Variants in LENG9 observed in about 807,000 individuals in gnomAD.
LENG9 encodes the protein leukocyte receptor cluster member 9.
For synonymous variants in LENG9, 410 were observed against 303.9 expected (o/e 1.35, Z -3.63); for missense variants, 872 against 652.7 (o/e 1.34, Z -3.66).
At position 54,462,865 on chromosome 19, in the gene LENG9, G is replaced by C; in HGVS notation, c.662C>G (p.Thr221Arg). The change falls in exon 1 of 1, where the codon ACA becomes AGA. Residue 221 changes from threonine to arginine, a missense_variant. Coordinates refer to ENST00000611161, the MANE Select transcript of LENG9 (RefSeq NM_001301782.2). ...LEAAQERALGTAADLGTLAPR... is the reference protein window; with the variant it reads ...LEAAQERALGRAADLGTLAPR... ...GGCCAGTGTTCCCAAATCAGCAGCTGTGCCCAGCGCCCTCTCCTGGGCCGC... is the reference window on the plus strand; with the variant it reads ...GGCCAGTGTTCCCAAATCAGCAGCTCTGCCCAGCGCCCTCTCCTGGGCCGC... The C allele has an allele frequency of 6.2e-7, 1 of 1,612,736 alleles. No individual in the cohort carries two copies. Among genetic ancestry groups the C allele is most frequent in the Non-Finnish European group, 8.5e-7 (1 of 1,179,966 alleles).
rs2084589362 is a variant in LENG9 at position 54,461,909 on chromosome 19, C to T, written c.*181G>A. The T allele has an allele frequency of 3.5e-6, 3 of 859,122 alleles. No homozygotes were observed. Among genetic ancestry groups the T allele is most frequent in the Non-Finnish European group, 6.0e-6 (3 of 496,284 alleles). The allele number at this position is 859,122 out of a possible 1,614,324, so 53.2% of individuals were successfully genotyped here. ...TTTCCAGATGTTCCTCCTCTGCCTC[C>T]CCTTCCCCTCCTCTCCCCTCCTTTT... On this transcript the variant is annotated 3_prime_UTR_variant, in exon 1 of 1. Transcript: ENST00000611161.
chr19:54,463,269 C>T lies in LENG9; in HGVS notation c.258G>A (p.Ser86=), dbSNP rs1404975511. Residue 86 remains serine (S), a synonymous_variant, in exon 1 of 1, where the codon TCG becomes TCA. Transcript: ENST00000611161. ...CCAGAAAGCGGTCGACGTAGCCCACCGAGAAGTCGGCGGGGTCGAGGCGCG... is the reference window on the plus strand; with the variant it reads ...CCAGAAAGCGGTCGACGTAGCCCACTGAGAAGTCGGCGGGGTCGAGGCGCG... ...WDPRLDPADF[S]VGYVDRFLGV... 1.9e-6 allele frequency: 3 copies of T among 1,542,642 alleles called. No individual in the cohort carries two copies. Among genetic ancestry groups the T allele is most frequent in the Admixed American group, 1.9e-5 (1 of 51,842 alleles).
Position 54,462,511 on chromosome 19 carries a change from T to C in LENG9, c.1016A>G (p.His339Arg). Residue 339 changes from histidine (H) to arginine (R), a missense_variant, in exon 1 of 1, where the codon CAC (histidine) becomes CGC (arginine). Coordinates refer to ENST00000611161, the MANE Select transcript of LENG9 (RefSeq NM_001301782.2). Reference protein sequence around the residue: ...ANFLVPSQNLHLTLALLRLAG... With the variant: ...ANFLVPSQNLRLTLALLRLAG... ...CAGTCGCAGCAGGGCCAGGGTCAGG[T>C]GTAGGTTCTGAGAGGGCACTAGGAA... The C allele has an allele frequency of 6.2e-7, 1 of 1,613,272 alleles. No homozygotes were observed. Among genetic ancestry groups the C allele is most frequent in the Non-Finnish European group, 8.5e-7 (1 of 1,179,950 alleles).
At position 54,462,127 on chromosome 19, in the gene LENG9, C is replaced by G; in HGVS notation, c.1400G>C (p.Gly467Ala). 6.3e-7 allele frequency: 1 copy of G among 1,581,384 alleles called. No homozygotes were observed. Among genetic ancestry groups the G allele is most frequent in the African/African-American group, 1.3e-5 (1 of 74,162 alleles). Residue 467 changes from glycine to alanine, a missense_variant, in exon 1 of 1, where the codon GGG becomes GCG. By Grantham distance (60) the Gly-to-Ala change is moderately conservative. Transcript: ENST00000611161. ...LWLCRIGRTG[G>A]PFQPLAEIPL... is the part of the protein sequence containing the mutation. The stretch of plus-strand genomic sequence containing the variant: ...GATCTCAGCCAGGGGCTGGAAAGGC[C>G]CCCCTGTCCTCCCTATACGGCACAG...
chr19:54,462,243 G>C lies in LENG9; in HGVS notation c.1284C>G (p.Ala428=), dbSNP rs756425332. ...GGACCTGGGAACCATGGGGCACCTTGGCCACGGTGAGGTGGGGGTGCAGCT... is the reference window on the plus strand; with the variant it reads ...GGACCTGGGAACCATGGGGCACCTTCGCCACGGTGAGGTGGGGGTGCAGCT... ...PGQLHPHLTV[A]KVPHGSQVHL... is the part of the protein sequence containing the mutation. Residue 428 remains alanine (A), a synonymous_variant, in exon 1 of 1, where the codon GCC becomes GCG. Coordinates refer to ENST00000611161, the MANE Select transcript of LENG9 (RefSeq NM_001301782.2). The C allele has an allele frequency of 1.9e-6, 3 of 1,612,920 alleles. No homozygotes were observed. The highest frequency in any genetic ancestry group is 1.3e-5 in the African/African-American group (1 of 75,052).
chr19:54,463,168 A>ACTGCCAGCACGCCCGGCCC lies in LENG9; in HGVS notation c.340_358dup (p.Val120GlyfsTer111), dbSNP rs1490412921. On this transcript the variant is annotated frameshift_variant, in exon 1 of 1. Transcript: ENST00000611161. LOFTEE classifies it low-confidence loss of function (END_TRUNC). ...GAAGAAGCGCACGCGGTGCTGGGGC[A>ACTGCCAGCACGCCCGGCCC]CTGCCAGCACGCCCGGCCCGAGCGC... 5 of 1,584,434 alleles carry ACTGCCAGCACGCCCGGCCC rather than the reference A, an allele frequency of 3.2e-6. No individual in the cohort carries two copies. Among genetic ancestry groups the ACTGCCAGCACGCCCGGCCC allele is most frequent in the Middle Eastern group, 1.7e-4 (1 of 6,054 alleles).
In LENG9 at chr19:54,463,464, C is replaced by T. The variant is rs2084667703; in HGVS notation, c.63G>A (p.Pro21=). Residue 21 remains proline (P), a synonymous_variant, in exon 1 of 1, where the codon CCG becomes CCA. Transcript: ENST00000611161. ...QEAPATEPAP[P]PACRFFLEGR... ...CTTCCAGGAAGAAGCGGCAGGCCGG[C>T]GGGGGCGCGGGTTCCGTGGCGGGGG... is the stretch of plus-strand genomic sequence containing the variant. The T allele has an allele frequency of 1.6e-6, 2 of 1,285,434 alleles. No homozygotes were observed. The highest frequency in any genetic ancestry group is 4.9e-5 in the South Asian group (2 of 40,578). 79.6% of individuals were successfully genotyped at this position (1,285,434 alleles called of 1,614,324 possible).
rs748737121 is a variant in LENG9, at chr19:54,462,658, G to A, written c.869C>T (p.Ala290Val). 1.9e-6 allele frequency: 3 copies of A among 1,612,636 alleles called. No individual in the cohort carries two copies. The highest frequency in any genetic ancestry group is 3.3e-5 in the Admixed American group (2 of 60,018). The change falls in exon 1 of 1, where the codon GCA (alanine) becomes GTA (valine). Residue 290 changes from alanine to valine, a missense_variant. Transcript: ENST00000611161. ...PEDKRARLSV[A>V]APCQPRPTHF... is the part of the protein sequence containing the mutation. ...TGTGGGGCGCGGTTGGCAAGGGGCT[G>A]CAACACTAAGGCGGGCCCTTTTGTC...
chr19:54,463,170 TGCCAGCACGCCCGGCCCGAGCGCC>T lies in LENG9; in HGVS notation c.333_356del (p.Ala112_Ala119del). On this transcript the variant is annotated inframe_deletion, in exon 1 of 1. Transcript: ENST00000611161. ...AGAAGCGCACGCGGTGCTGGGGCAC[TGCCAGCACGCCCGGCCCGAGCGCC>T]GCCAGCGGCTGGTCCCAGCAAAAGG... The T allele has an allele frequency of 6.3e-7, 1 of 1,584,170 alleles. No homozygotes were observed. Among genetic ancestry groups the T allele is most frequent in the South Asian group, 1.1e-5 (1 of 88,816 alleles).
At position 54,462,603 on chromosome 19, in the gene LENG9, A is replaced by G. The variant is rs1056151767; in HGVS notation, c.924T>C (p.Pro308=). ...CCTTGGTCACTTCTGCTTGTAGCCC[A>G]GGCTCGGTCACCATGAGGGCCACAA... ...THFVALMVTE[P]GLQAEVTKAQ... is the part of the protein sequence containing the mutation. Residue 308 remains proline, a synonymous_variant, in exon 1 of 1, where the codon CCT becomes CCC. Transcript: ENST00000611161. 4 of 1,613,762 alleles carry G rather than the reference A, an allele frequency of 2.5e-6. No individual in the cohort carries two copies. The highest frequency in any genetic ancestry group is 3.4e-6 in the Non-Finnish European group (4 of 1,180,014).
At position 54,462,479 on chromosome 19, in the gene LENG9, C is replaced by T. The variant is rs745887459; in HGVS notation, c.1048G>A (p.Ala350Thr). 5.6e-6 allele frequency: 9 copies of T among 1,613,308 alleles called. No individual in the cohort carries two copies. Among genetic ancestry groups the T allele is most frequent in the South Asian group, 2.2e-5 (2 of 91,092 alleles). ...CCAATGGCAGCGGCCTCCTCCCCAG[C>T]GCCTGCCAGTCGCAGCAGGGCCAGG... The part of the protein sequence containing the change: ...LTLALLRLAG[A>T]GEEAAAIGAL... Residue 350 changes from alanine to threonine, a missense_variant, in exon 1 of 1, where the codon GCT becomes ACT. Transcript: ENST00000611161.
chr19:54,463,699 T>C lies in LENG9; in HGVS notation c.-173A>G. ...CGAGGACTCTGGCCCAGTCCCTCCTTGGTGGAGAGCCTGACACCGCTGCTC... is the reference window on the plus strand; with the variant it reads ...CGAGGACTCTGGCCCAGTCCCTCCTCGGTGGAGAGCCTGACACCGCTGCTC... On this transcript the variant is annotated 5_prime_UTR_variant, in exon 1 of 1. Transcript: ENST00000611161. 1 of 866,732 alleles carries C rather than the reference T, an allele frequency of 1.2e-6. No homozygotes were observed. Among genetic ancestry groups the C allele is most frequent in the Non-Finnish European group, 1.5e-6 (1 of 649,476 alleles). 53.7% of individuals were successfully genotyped at this position (866,732 alleles called of 1,614,324 possible).
In LENG9 at chr19:54,462,806, G is replaced by C. The variant is rs752319478; in HGVS notation, c.721C>G (p.Leu241Val). The C allele has an allele frequency of 3.3e-6, 5 of 1,518,206 alleles. No homozygotes were observed. The highest frequency in any genetic ancestry group is 2.3e-5 in the South Asian group (2 of 88,200). 94.0% of individuals were successfully genotyped at this position (1,518,206 alleles called of 1,614,324 possible). A position where few individuals can be genotyped will look rare whatever the true frequency, so the allele number is the denominator to read the frequency against. Residue 241 changes from leucine to valine, a missense_variant, in exon 1 of 1, where the codon CTG becomes GTG. By Grantham distance (32) the Leu-to-Val change is conservative. Transcript: ENST00000611161. ...RGRLAGVTEA[L>V]KPTAATRTTL... ...GTCCTGGTGGCTGCTGTTGGCTTCA[G>C]TGCCTCAGTCACTCCGGCGAGGCGT...
At position 54,462,622 on chromosome 19, in the gene LENG9, G is replaced by A; in HGVS notation, c.905C>T (p.Ala302Val). The change falls in exon 1 of 1, where the codon GCC becomes GTC. Residue 302 changes from alanine (A) to valine (V), a missense_variant. Physicochemically the swap from Ala to Val is moderately conservative, Grantham distance 64. Transcript: ENST00000611161. ...PCQPRPTHFV[A>V]LMVTEPGLQA... ...TAGCCCAGGCTCGGTCACCATGAGG[G>A]CCACAAAATGTGTGGGGCGCGGTTG... is the stretch of plus-strand genomic sequence containing the variant. 7 of 1,613,664 alleles carry A rather than the reference G, an allele frequency of 4.3e-6. No individual in the cohort carries two copies. The highest frequency in any genetic ancestry group is 5.9e-6 in the Non-Finnish European group (7 of 1,180,024).
chr19:54,463,614 A>G lies in LENG9; in HGVS notation c.-88T>C, dbSNP rs977702779. The G allele has an allele frequency of 1.1e-5, 14 of 1,273,468 alleles. No homozygotes were observed. Among genetic ancestry groups the G allele is most frequent in the Non-Finnish European group, 1.4e-5 (14 of 1,004,996 alleles). 78.9% of individuals were successfully genotyped at this position (1,273,468 alleles called of 1,614,324 possible). A position where few individuals can be genotyped will look rare whatever the true frequency, so the allele number is the denominator to read the frequency against. On this transcript the variant is annotated 5_prime_UTR_variant, in exon 1 of 1. Coordinates refer to ENST00000611161, the MANE Select transcript of LENG9 (RefSeq NM_001301782.2). Reference sequence around the variant, plus strand: ...CCTTGGATGCACCGAGCCTCACCCGACAGTGGCGTCAGCGGCCCGCGCTCC... The same window carrying G: ...CCTTGGATGCACCGAGCCTCACCCGGCAGTGGCGTCAGCGGCCCGCGCTCC...
Position 54,463,746 on chromosome 19 carries a change from TC to T in LENG9, c.-221del. 9.2e-6 allele frequency: 5 copies of T among 540,974 alleles called. No homozygotes were observed. Among genetic ancestry groups the T allele is most frequent in the South Asian group, 8.7e-5 (1 of 11,498 alleles). The allele number at this position is 540,974 out of a possible 1,614,324, so 33.5% of individuals were successfully genotyped here. A position where few individuals can be genotyped will look rare whatever the true frequency, so the allele number is the denominator to read the frequency against. On this transcript the variant is annotated 5_prime_UTR_variant, in exon 1 of 1. Transcript: ENST00000611161. ...GCTCTGGGACTTCCCGGCTGCGCCC[TC>T]CCCCAGCGCCAGGAAAGCAAGCTGC...
rs145517211 is a variant in LENG9, at chr19:54,462,549, T to C, written c.978A>G (p.Pro326=). Residue 326 remains proline (P), a synonymous_variant, in exon 1 of 1, where the codon CCA becomes CCG. Transcript: ENST00000611161. ...KAQEYLVHVA[P]HCANFLVPSQ... Reference sequence around the variant, plus strand: ...AGGGCACTAGGAAGTTGGCGCAGTGTGGGGCCACGTGGACCAGGTATTCCT... The same window carrying C: ...AGGGCACTAGGAAGTTGGCGCAGTGCGGGGCCACGTGGACCAGGTATTCCT... The C allele has an allele frequency of 2.5e-6, 4 of 1,613,660 alleles. No homozygotes were observed. The highest frequency in any genetic ancestry group is 3.4e-6 in the Non-Finnish European group (4 of 1,180,010).
At position 54,462,664 on chromosome 19, in the gene LENG9, C is replaced by G. The variant is rs1025212547; in HGVS notation, c.863G>C (p.Ser288Thr). The change falls in exon 1 of 1, where the codon AGT becomes ACT. Residue 288 changes from serine (S) to threonine (T), a missense_variant. Coordinates refer to ENST00000611161, the MANE Select transcript of LENG9 (RefSeq NM_001301782.2). ...AWPEDKRARLSVAAPCQPRPT... is the reference protein window; with the variant it reads ...AWPEDKRARLTVAAPCQPRPT... ...GCGCGGTTGGCAAGGGGCTGCAACA[C>G]TAAGGCGGGCCCTTTTGTCCTCGGG... The G allele has an allele frequency of 2.5e-6, 4 of 1,612,418 alleles. No homozygotes were observed. The highest frequency in any genetic ancestry group is 2.5e-6 in the Non-Finnish European group (3 of 1,180,030).
chr19:54,462,624 C>A lies in LENG9; in HGVS notation c.903G>T (p.Val301=). 1 of 1,613,694 alleles carries A rather than the reference C, an allele frequency of 6.2e-7. No individual in the cohort carries two copies. Among genetic ancestry groups the A allele is most frequent in the South Asian group, 1.1e-5 (1 of 91,078 alleles). ...APCQPRPTHF[V]ALMVTEPGLQ... Reference sequence around the variant, plus strand: ...GCCCAGGCTCGGTCACCATGAGGGCCACAAAATGTGTGGGGCGCGGTTGGC... The same window carrying A: ...GCCCAGGCTCGGTCACCATGAGGGCAACAAAATGTGTGGGGCGCGGTTGGC... The change falls in exon 1 of 1, where the codon GTG becomes GTT. Residue 301 remains valine, a synonymous_variant. Transcript: ENST00000611161.
Sources: gnomAD v4.1 joint callset for allele counts on GRCh38, gnomAD v4.1.1 for gene constraint, MANE v1.5 for transcripts, NCBI Gene and HGNC (gene_info 2026-07-23, HGNC 2026-07-21) for gene names.